RPS24: variants seen among roughly 807,000 people sequenced by gnomAD.
RPS24 encodes the protein small ribosomal subunit protein eS24.
For synonymous variants in RPS24, 72 were observed against 55.6 expected (o/e 1.30, Z -1.31); for missense variants, 100 against 162.5 (o/e 0.62, Z 2.09).
At chr10:78,034,745 T>C (rs1847823704) in intron 1 of RPS24, among the ~76,000 whole-genome samples, 1 of 152,256 alleles carries the variant, frequency 6.6e-6, no homozygotes, top group Non-Finnish European at 1.5e-5. Flanking sequence ...ATCTCTGCTA[T>C]GGCCATTCTA....
intron 3 of RPS24, among the ~76,000 whole-genome samples, chr10:78,036,957 A>G (rs1245238415): frequency 3.9e-5 from 6 of 152,188 alleles, no homozygotes; most frequent in African/African-American, 7.2e-5. Flanking sequence ...CAGTCTCCCA[A>G]ACTCCCTGTT....
chr10:78,047,021 C>T (rs749003259), intron 4 of RPS24, among the ~76,000 whole-genome samples: 3 of 151,618 alleles, frequency 2.0e-5, no homozygotes, highest in Non-Finnish European at 4.4e-5. Context: ...AGTGCAGTGG[C>T]GTGATCTTGC....
In RPS24 at chr10:78,054,376, G is replaced by C. The variant is rs113437970; in HGVS notation, c.391-155G>C. The stretch of plus-strand genomic sequence containing the variant: ...TACCTGGCTTTTACAGCCCTCCCAA[G>C]TGCCCTTCCTTCAAGCTTTGGCTCT... On this transcript the variant is annotated intron_variant, in intron 4 of 4. Transcript: ENST00000440692. 4.9e-4 allele frequency among the ~76,000 whole-genome samples: 74 copies of C among 152,242 alleles called. 1 individual carries two copies. The highest frequency in any genetic ancestry group is 1.6e-3 in the African/African-American group (68 of 41,526).
Position 78,038,079 on chromosome 10 carries a change from G to A in RPS24, c.390+775G>A, listed in dbSNP as rs140902598. ...TTGGCCTTTGGACGACAGTTTTATA[G>A]TATGGTCGATTATAATGCCAGTGCT... On this transcript the variant is annotated intron_variant, in intron 4 of 5. Coordinates refer to ENST00000372360, the MANE Select transcript of RPS24 (RefSeq NM_033022.4). 1.5e-3 allele frequency: 1,085 copies of A among 718,130 alleles called. 1 individual carries two copies. The highest frequency in any genetic ancestry group is 2.0e-3 in the Non-Finnish European group (987 of 483,718). The allele number at this position is 718,130 out of a possible 1,614,324, so 44.5% of individuals were successfully genotyped here. A position where few individuals can be genotyped will look rare whatever the true frequency, so the allele number is the denominator to read the frequency against.
chr10:78,048,596 A>G (rs768585058), intron 4 of RPS24, among the ~76,000 whole-genome samples: 4 of 152,176 alleles, frequency 2.6e-5, no homozygotes, highest in South Asian at 4.2e-4. Context: ...AAATTGCCCA[A>G]CCCAGCCGCG....
chr10:78,036,465 C>G (rs3781181), intron 3 of RPS24: 6,972 of 153,492 alleles, frequency 0.045, 340 homozygotes, highest in East Asian at 0.23. Context: ...ACCATCATGC[C>G]TGGGTAATTT....
chr10:78,051,900 A>C (rs1026678947), intron 4 of RPS24, among the ~76,000 whole-genome samples: 1 of 152,138 alleles, frequency 6.6e-6, no homozygotes, highest in Non-Finnish European at 1.5e-5. Context: ...TTATTTTCAA[A>C]TGGGGTGATT....
At chr10:78,054,650 G>T (rs1335676607) in exon 5 of RPS24, 1 of 1,551,596 alleles carries the variant, frequency 6.4e-7, no homozygotes, top group African/African-American at 1.4e-5. Flanking sequence ...AGGTAGAAGT[G>T]CCAGGACCGT....
intron 4 of RPS24, chr10:78,037,931 T>A: frequency 4.9e-6 from 5 of 1,027,524 alleles, no homozygotes; most frequent in Non-Finnish European, 6.5e-6. Context: ...TTTTTGCTTT[T>A]CCTCTCTACT....
At chr10:78,049,216 C>CT (rs1368068609) in intron 4 of RPS24, 2 of 152,156 alleles carry the variant, frequency 1.3e-5, no homozygotes, top group Non-Finnish European at 2.9e-5. Context: ...CTGTTTCTTG[C>CT]TTTTTTAAGG....
chr10:78,045,549 T>C (rs980123782), downstream of RPS24, among the ~76,000 whole-genome samples: 36 of 152,014 alleles, frequency 2.4e-4, no homozygotes, highest in African/African-American at 8.5e-4. Flanking sequence ...TGGCACTGTT[T>C]TGGCTCACTG....
At chr10:78,034,095 C>T (rs1847802551) in intron 1 of RPS24, 191 bp downstream of exon 1, 3 of 701,338 alleles carry the variant, frequency 4.3e-6, no homozygotes, top group East Asian at 5.3e-5. Flanking sequence ...CGCTGTAGAC[C>T]CGGACACGCT....
At position 78,055,187 on chromosome 10, in the gene RPS24, G is replaced by A. The variant is rs540845064; in HGVS notation, c.*177G>A. Reference sequence around the variant, plus strand: ...ACCCAAATGCCAAAGACCTCCCCACGCCCCCACAATCCCCCACGACCTGGC... The same window carrying A: ...ACCCAAATGCCAAAGACCTCCCCACACCCCCACAATCCCCCACGACCTGGC... On this transcript the variant is annotated 3_prime_UTR_variant, in exon 5 of 5. Coordinates refer to the RPS24 transcript ENST00000440692. 1.3e-5 allele frequency: 14 copies of A among 1,084,380 alleles called. 1 individual carries two copies. The South Asian group carries it at 2.7e-4, about 21-fold the overall frequency. The allele number at this position is 1,084,380 out of a possible 1,614,324, so 67.2% of individuals were successfully genotyped here. A position where few individuals can be genotyped will look rare whatever the true frequency, so the allele number is the denominator to read the frequency against.
downstream of RPS24, among the ~76,000 whole-genome samples, chr10:78,043,553 A>T (rs906856553): frequency 6.6e-6 from 1 of 152,148 alleles, no homozygotes; most frequent in African/African-American, 2.4e-5. Context: ...TTATTGAACA[A>T]GTGTTAGATG....
intron 4 of RPS24, chr10:78,037,902 C>CTTTTTT (rs55902139): frequency 1.7e-4 from 65 of 379,876 alleles, no homozygotes; most frequent in East Asian, 2.9e-4. Context: ...GTTCTGTGAA[C>CTTTTTT]TTTTTTTTTT....
chr10:78,048,268 T>TTTC (rs1415847879), intron 4 of RPS24, among the ~76,000 whole-genome samples: 1 of 152,224 alleles, frequency 6.6e-6, no homozygotes, highest in African/African-American at 2.4e-5. Context: ...CTTTTATAGG[T>TTTC]TTCTATTCTG....
intron 1 of RPS24, among the ~76,000 whole-genome samples, chr10:78,035,116 C>T (rs1847834708): frequency 6.6e-6 from 1 of 152,172 alleles, no homozygotes; most frequent in South Asian, 2.1e-4. Context: ...ATACACATAA[C>T]CTAGTGAAGT....
downstream of RPS24, among the ~76,000 whole-genome samples, chr10:78,043,569 C>G (rs1026390188): frequency 6.6e-6 from 1 of 151,018 alleles, no homozygotes. Flanking sequence ...AGATGGCTAG[C>G]CAAATTCCCA....
At chr10:78,042,172 A>G (rs1847993004), downstream of RPS24, among the ~76,000 whole-genome samples, 1 of 152,326 alleles carries the variant, frequency 6.6e-6, no homozygotes, top group South Asian at 2.1e-4. Flanking sequence ...CTGTTTGATA[A>G]CAATTGGCAG....
Sources: allele counts gnomAD v4.1 joint callset (sites outside exome capture counted in the v4.1 genomes callset), GRCh38; gene constraint gnomAD v4.1.1; transcripts MANE v1.5; gene names NCBI Gene and HGNC (gene_info 2026-07-23, HGNC 2026-07-21).